Variants in TBC1D5 observed in about 807,000 individuals in gnomAD.
The protein encoded by TBC1D5 is TBC1 domain family, member 5.
TBC1D5 carries 75 observed loss-of-function variants against 100.3 expected under a neutral mutation model. That is an observed-to-expected ratio of 0.75 (90% CI 0.62 to 0.91). The LOEUF is 0.91. TBC1D5 is among the 40% of genes least tolerant of loss of function. The pLI is 0.00. For synonymous variants in TBC1D5, 323 were observed against 325.6 expected (o/e 0.99, Z 0.09); for missense variants, 910 against 942.4 (o/e 0.97, Z 0.45).
intron 3 of TBC1D5, among the ~76,000 whole-genome samples, chr3:17,429,778 A>G (rs574360394): frequency 2.6e-5 from 4 of 152,036 alleles, no homozygotes; most frequent in African/African-American, 9.6e-5. Context: ...TTTATAGCTG[A>G]CAGATAGTAA....
At chr3:17,440,628 T>C (rs111505253) in intron 3 of TBC1D5, among the ~76,000 whole-genome samples, 7,651 of 152,110 alleles carry the variant, frequency 0.05, 254 homozygotes, top group South Asian at 0.077. Flanking sequence ...TAAAAACATA[T>C]ACATTTTTTG....
At position 17,161,310 on chromosome 3, in the gene TBC1D5, C is replaced by A. The variant is rs545969424; in HGVS notation, c.2095-54G>T. ...GATGAAAGAAGAAACTGGCAAAGAA[C>A]TGAGTGGAAGGCCCTGTGAACTGGG... On this transcript the variant is annotated intron_variant, in intron 21 of 21. Transcript: ENST00000253692. 117 of 1,548,420 alleles carry A rather than the reference C, an allele frequency of 7.6e-5. No individual in the cohort carries two copies. The African/African-American group carries it at 1.3e-3, about 17-fold the overall frequency.
chr3:17,291,643 A>G (rs2081752082), intron 15 of TBC1D5, among the ~76,000 whole-genome samples: 1 of 152,162 alleles, frequency 6.6e-6, no homozygotes, highest in Non-Finnish European at 1.5e-5. Context: ...GGAAGGGAAA[A>G]GCATAGAATA....
chr3:17,255,869 T>C (rs774680942), intron 16 of TBC1D5, among the ~76,000 whole-genome samples: 3 of 152,058 alleles, frequency 2.0e-5, no homozygotes, highest in Non-Finnish European at 4.4e-5. Flanking sequence ...AAACCCCGTC[T>C]ACTAAAAATA....
intron 1 of TBC1D5, among the ~76,000 whole-genome samples, chr3:17,664,812 A>C (rs148870307): frequency 6.6e-6 from 1 of 152,196 alleles, no homozygotes; most frequent in Non-Finnish European, 1.5e-5. Context: ...ATCTAAGTCA[A>C]AAAGGAATTT....
chr3:17,484,508 T>G (rs2095537474), intron 3 of TBC1D5, among the ~76,000 whole-genome samples: 1 of 139,356 alleles, frequency 7.2e-6, no homozygotes, highest in Admixed American at 7.0e-5. Context: ...CAATCATAAT[T>G]ACTCAAAGCA....
At chr3:17,662,400 G>A (rs2066751424) in intron 1 of TBC1D5, among the ~76,000 whole-genome samples, 1 of 152,166 alleles carries the variant, frequency 6.6e-6, no homozygotes, top group South Asian at 2.1e-4. Flanking sequence ...GAAAGCCTTT[G>A]AATATCAGCA....
At chr3:17,290,324 G>T (rs1321338927) in intron 15 of TBC1D5, among the ~76,000 whole-genome samples, 1 of 152,138 alleles carries the variant, frequency 6.6e-6, no homozygotes, top group Admixed American at 6.5e-5. Context: ...AGGGCATTTA[G>T]GTTCCACTAA....
chr3:17,229,084 A>G (rs2075178511), intron 17 of TBC1D5, among the ~76,000 whole-genome samples: 1 of 152,152 alleles, frequency 6.6e-6, no homozygotes, highest in African/African-American at 2.4e-5. Flanking sequence ...TCATCTGAGG[A>G]AGGTGGACAC....
intron 14 of TBC1D5, among the ~76,000 whole-genome samples, chr3:17,296,249 A>G (rs1224396071): frequency 6.6e-6 from 1 of 152,252 alleles, no homozygotes; most frequent in Non-Finnish European, 1.5e-5. Flanking sequence ...TCTTTTAAAA[A>G]AGGAAAAAGT....
At chr3:17,648,928 A>G (rs1430137924) in intron 1 of TBC1D5, among the ~76,000 whole-genome samples, 1 of 152,230 alleles carries the variant, frequency 6.6e-6, no homozygotes, top group Non-Finnish European at 1.5e-5. Flanking sequence ...GTGATTCCTC[A>G]CAGAGGCAAA....
chr3:17,243,588 A>G (rs1295393327), intron 16 of TBC1D5, among the ~76,000 whole-genome samples: 2 of 152,226 alleles, frequency 1.3e-5, no homozygotes, highest in Non-Finnish European at 2.9e-5. Flanking sequence ...ACAGGCTAGC[A>G]TGAAAGATTA....
chr3:17,459,411 G>A (rs2095158040), intron 3 of TBC1D5, among the ~76,000 whole-genome samples: 1 of 152,210 alleles, frequency 6.6e-6, no homozygotes, highest in African/African-American at 2.4e-5. Flanking sequence ...AGGAGGCAGA[G>A]CTCTGGTAGT....
chr3:17,699,381 TG>T (rs1215689280), intron 1 of TBC1D5, among the ~76,000 whole-genome samples: 1 of 108,218 alleles, frequency 9.2e-6, no homozygotes, highest in African/African-American at 3.4e-5. Flanking sequence ...CATCACACTC[TG>T]GGGACTGTTG....
chr3:17,507,847 T>C (rs1436664408), intron 3 of TBC1D5, among the ~76,000 whole-genome samples: 1 of 152,162 alleles, frequency 6.6e-6, no homozygotes, highest in African/African-American at 2.4e-5. Flanking sequence ...AGAAACTATG[T>C]TATTACTATC....
chr3:17,436,840 A>G (rs571890478), intron 3 of TBC1D5, among the ~76,000 whole-genome samples: 5 of 152,240 alleles, frequency 3.3e-5, no homozygotes, highest in Admixed American at 1.3e-4. Flanking sequence ...AAAACAAGCT[A>G]TAAGAGGAAT....
At position 17,451,460 on chromosome 3, in the gene TBC1D5, T is replaced by C. The variant is rs147355680; in HGVS notation, c.98-22941A>G. Among the ~76,000 whole-genome samples, 390 of 152,206 alleles carry C rather than the reference T, an allele frequency of 2.6e-3. 2 individuals carry two copies. The highest frequency in any genetic ancestry group is 8.6e-3 in the African/African-American group (358 of 41,532). ...AAAACCACAACGAGATACCATCTCA[T>C]GTCAGTTAGAATGGTGATCATCAAA... On this transcript the variant is annotated intron_variant, in intron 3 of 21. Transcript: ENST00000253692.
chr3:17,507,582 G>GA (rs1448798431), intron 3 of TBC1D5, among the ~76,000 whole-genome samples: 1 of 152,010 alleles, frequency 6.6e-6, no homozygotes, highest in Non-Finnish European at 1.5e-5. Flanking sequence ...AGTATAAACA[G>GA]AAAAAATCAT....
intron 8 of TBC1D5, among the ~76,000 whole-genome samples, chr3:17,389,680 A>G (rs953449197): frequency 6.6e-6 from 1 of 152,166 alleles, no homozygotes; most frequent in Non-Finnish European, 1.5e-5. Flanking sequence ...TGTGCAACAG[A>G]GATGAGCCAT....
Sources: allele counts gnomAD v4.1 joint callset (sites outside exome capture counted in the v4.1 genomes callset), GRCh38; gene constraint gnomAD v4.1.1; transcripts MANE v1.5; gene names NCBI Gene and HGNC (gene_info 2026-07-23, HGNC 2026-07-21).